PDE1C: variants seen among roughly 807,000 people sequenced by gnomAD.
PDE1C encodes dual specificity calcium/calmodulin-dependent 3',5'-cyclic nucleotide phosphodiesterase 1C.
PDE1C carries 62 observed loss-of-function variants against 93.1 expected under a neutral mutation model. The observed-to-expected ratio is 0.67, with a 90% CI of 0.54 to 0.82. The LOEUF (loss-of-function observed/expected upper bound fraction) is 0.82. Among genes scored for constraint, PDE1C ranks in the 40% least tolerant of loss-of-function variants. The pLI, the probability that PDE1C is intolerant of heterozygous loss-of-function variation, is 0.00. For missense variants in PDE1C, 742 were observed against 884.6 expected, an observed-to-expected ratio of 0.84 and a Z score of 2.04; for synonymous variants, 325 against 310.1, an observed-to-expected ratio of 1.05 and a Z score of -0.50.
intron 3 of PDE1C, chr7:32,077,866 T>A: frequency 1.0e-6 from 1 of 985,004 alleles, no homozygotes; most frequent in Non-Finnish European, 1.2e-6. Context: ...ATTATTATTA[T>A]TACCTCCAGT....
chr7:32,195,421 C>A (rs1804541972), intron 2 of PDE1C, among the ~76,000 whole-genome samples: 1 of 152,166 alleles, frequency 6.6e-6, no homozygotes, highest in Admixed American at 6.5e-5. Context: ...GACAGTTCTA[C>A]CCTTTTAGCA....
At chr7:31,822,633 T>C (rs1583475013) in intron 14 of PDE1C, among the ~76,000 whole-genome samples, 1 of 152,210 alleles carries the variant, frequency 6.6e-6, no homozygotes, top group East Asian at 1.9e-4. Flanking sequence ...GAAAGGAATA[T>C]AAAAATGCCT....
chr7:32,357,974 T>C (rs1784064092), intron 1 of PDE1C, among the ~76,000 whole-genome samples: 1 of 152,192 alleles, frequency 6.6e-6, no homozygotes, highest in Non-Finnish European at 1.5e-5. Flanking sequence ...AGTTTTCCAA[T>C]TTGCAGGGGC....
chr7:32,411,146 A>T (rs937552454), intron 1 of PDE1C, among the ~76,000 whole-genome samples: 1 of 152,192 alleles, frequency 6.6e-6, no homozygotes, highest in Non-Finnish European at 1.5e-5. Flanking sequence ...CATCTGGAAA[A>T]ATTTAGACTT....
At chr7:32,225,301 G>A (rs1807178114) in intron 1 of PDE1C, among the ~76,000 whole-genome samples, 1 of 151,910 alleles carries the variant, frequency 6.6e-6, no homozygotes, top group African/African-American at 2.4e-5. Flanking sequence ...CTTTGTATAA[G>A]TTTCTACACA....
chr7:31,628,375 G>A, the PDE1C span, among the ~76,000 whole-genome samples: 1 of 152,022 alleles, frequency 6.6e-6, no homozygotes, highest in Non-Finnish European at 1.5e-5. Flanking sequence ...AATGCCTTCT[G>A]ACTCTGATGG....
At chr7:31,893,118 G>T (rs994915) in intron 2 of PDE1C, among the ~76,000 whole-genome samples, 1 of 152,016 alleles carries the variant, frequency 6.6e-6, no homozygotes, top group Non-Finnish European at 1.5e-5. Flanking sequence ...ATGAAATCTA[G>T]AGCTAGCTAT....
chr7:31,701,348 A>G, the PDE1C span, among the ~76,000 whole-genome samples: 1 of 152,224 alleles, frequency 6.6e-6, no homozygotes, highest in African/African-American at 2.4e-5. Context: ...AATTAGAATT[A>G]GAAGTGGGGC....
chr7:31,775,514 T>C, intron 17 of PDE1C, 150 bp downstream of exon 17: 1 of 643,526 alleles, frequency 1.6e-6, no homozygotes, highest in Admixed American at 2.9e-5. Context: ...GCCTCACAAA[T>C]GAGGGTGACA....
intron 1 of PDE1C, among the ~76,000 whole-genome samples, chr7:32,294,232 T>G (rs1307552305): frequency 2.6e-5 from 4 of 152,172 alleles, no homozygotes; most frequent in African/African-American, 7.2e-5. Flanking sequence ...TTTTTCCTCC[T>G]CTGGTACAAC....
chr7:32,006,810 AAAAAG>A (rs1181578182), intron 2 of PDE1C, among the ~76,000 whole-genome samples: 1 of 152,190 alleles, frequency 6.6e-6, no homozygotes, highest in African/African-American at 2.4e-5. Flanking sequence ...AAAGACAGTA[AAAAAG>A]AAGAGTGCCA....
intron 5 of PDE1C, among the ~76,000 whole-genome samples, chr7:31,874,125 G>A (rs1427781116): frequency 3.3e-5 from 5 of 152,130 alleles, no homozygotes; most frequent in Admixed American, 6.5e-5. Context: ...CTGGGATCTT[G>A]TCCTCAAATC....
chr7:31,756,155 C>G (rs1794452115), intron 17 of PDE1C, among the ~76,000 whole-genome samples: 1 of 152,036 alleles, frequency 6.6e-6, no homozygotes, highest in South Asian at 2.1e-4. Flanking sequence ...CTTGGTGACA[C>G]AGCAAGACTC....
intron 1 of PDE1C, among the ~76,000 whole-genome samples, chr7:32,310,462 C>A (rs1232187359): frequency 1.3e-5 from 2 of 152,152 alleles, no homozygotes; most frequent in African/African-American, 2.4e-5. Flanking sequence ...TTTTTCAGCA[C>A]TACACCACAT....
At chr7:32,122,919 T>C (rs1040700294) in intron 3 of PDE1C, among the ~76,000 whole-genome samples, 8 of 152,112 alleles carry the variant, frequency 5.3e-5, no homozygotes. Flanking sequence ...AATCCATGAA[T>C]CCAGGAGCTG....
chr7:31,651,947 C>G, the PDE1C span: 1 of 1,592,726 alleles, frequency 6.3e-7, no homozygotes, highest in South Asian at 1.1e-5. Context: ...AGGGAGGAGG[C>G]CGAGCAACTG....
At chr7:31,893,095 A>AATG in intron 2 of PDE1C, among the ~76,000 whole-genome samples, 1 of 152,214 alleles carries the variant, frequency 6.6e-6, no homozygotes, top group Non-Finnish European at 1.5e-5. Context: ...GATTCCATAA[A>AATG]AAAATGAAAG....
intron 1 of PDE1C, among the ~76,000 whole-genome samples, chr7:32,329,095 G>T (rs572413245): frequency 1.9e-4 from 29 of 152,222 alleles, no homozygotes; most frequent in Admixed American, 8.5e-4. Context: ...AGTCAGGTGT[G>T]GTGGCATACA....
chr7:32,006,614 A>G (rs1786293262), intron 2 of PDE1C, among the ~76,000 whole-genome samples: 1 of 152,196 alleles, frequency 6.6e-6, no homozygotes, highest in African/African-American at 2.4e-5. Context: ...TTCCCTTAGA[A>G]GGATAAGAGC....
Sources: gnomAD v4.1 joint callset for allele counts (sites outside exome capture counted in the v4.1 genomes callset) on GRCh38, gnomAD v4.1.1 for gene constraint, MANE v1.5 for transcripts, NCBI Gene and HGNC (gene_info 2026-07-23, HGNC 2026-07-21) for gene names.